The following FAM13A variants were observed in gnomAD, a reference collection of about 807,000 sequenced individuals.
FAM13A encodes family with sequence similarity 13 member A.
A neutral mutation model predicts 129.6 loss-of-function variants in FAM13A; 76 were observed. The observed-to-expected ratio is 0.59, with a 90% CI of 0.49 to 0.71. The LOEUF (loss-of-function observed/expected upper bound fraction) is 0.71, where lower values mean the gene tolerates loss of function less well. Ranked by LOEUF, FAM13A falls within the 30% of genes least tolerant of loss-of-function variation. The probability of loss-of-function intolerance (pLI) is 0.00; values close to 1 mark genes in which losing one functional copy is unlikely to be tolerated. For missense variants in FAM13A, 1,108 were observed against 1,249.3 expected (o/e 0.89, Z 1.70); for synonymous variants, 443 against 449.9 (o/e 0.98, Z 0.20).
Position 89,010,939 on chromosome 4 carries a change from C to T in FAM13A, c.427+9521G>A, listed in dbSNP as rs148864874. Among the ~76,000 whole-genome samples, 40 of 152,204 alleles carry T rather than the reference C, an allele frequency of 2.6e-4. No homozygotes were observed. In the East Asian group the frequency reaches 6.2e-3, roughly 24 times the overall value. Reference sequence around the variant, plus strand: ...TCTCGGTTCACTGCAACCTCCACCTCCTGGCTCAAGCGATTTTCCTGCCTC... The same window carrying T: ...TCTCGGTTCACTGCAACCTCCACCTTCTGGCTCAAGCGATTTTCCTGCCTC... On this transcript the variant is annotated intron_variant, in intron 3 of 23. Coordinates refer to ENST00000264344, the MANE Select transcript of FAM13A (RefSeq NM_014883.4).
intron 7 of FAM13A, chr4:88,823,364 T>C: frequency 9.8e-7 from 1 of 1,021,604 alleles, no homozygotes; most frequent in Non-Finnish European, 1.2e-6. Context: ...TCCTCAATGG[T>C]CCCTCCTCCT....
chr4:88,806,864 T>C (rs1227344464), intron 7 of FAM13A, among the ~76,000 whole-genome samples: 1 of 152,116 alleles, frequency 6.6e-6, no homozygotes, highest in African/African-American at 2.4e-5. Flanking sequence ...CTGACAGAAG[T>C]CGCTTACACA....
At chr4:88,775,302 C>A (rs983701963) in intron 11 of FAM13A, among the ~76,000 whole-genome samples, 2 of 152,058 alleles carry the variant, frequency 1.3e-5, no homozygotes, top group Non-Finnish European at 2.9e-5. Flanking sequence ...AGTCATAGCA[C>A]AAAAGACCAG....
intron 7 of FAM13A, among the ~76,000 whole-genome samples, chr4:88,848,639 T>C (rs889498540): frequency 2.0e-5 from 3 of 152,256 alleles, no homozygotes; most frequent in African/African-American, 7.2e-5. Context: ...GCCTGCTTGC[T>C]GGTCTACCAG....
At chr4:88,762,565 G>T (rs6832489) in intron 13 of FAM13A, among the ~76,000 whole-genome samples, 8,559 of 152,164 alleles carry the variant, frequency 0.056, 540 homozygotes, top group East Asian at 0.3. Context: ...GCCTAGGGCT[G>T]CAGACTGCTG....
At chr4:88,920,723 G>C (rs996739177) in intron 5 of FAM13A, among the ~76,000 whole-genome samples, 1 of 152,216 alleles carries the variant, frequency 6.6e-6, no homozygotes, top group Admixed American at 6.5e-5. Flanking sequence ...CGAGTTGAGA[G>C]AAGAAGGCTT....
chr4:88,925,678 A>C lies in FAM13A; in HGVS notation c.759+12410T>G, dbSNP rs1011864643. Among the ~76,000 whole-genome samples the C allele has an allele frequency of 3.0e-4, 45 of 151,952 alleles. 2 individuals carry two copies. The highest frequency in any genetic ancestry group is 2.6e-4 in the Non-Finnish European group (18 of 67,956). ...CTGCACATTGTGCACATGTACCCTA[A>C]AACTTAAAGTATAATAATAATAAAA... On this transcript the variant is annotated intron_variant, in intron 5 of 23. Coordinates refer to ENST00000264344, the MANE Select transcript of FAM13A (RefSeq NM_014883.4).
intron 7 of FAM13A, among the ~76,000 whole-genome samples, chr4:88,831,101 G>A (rs763106645): frequency 7.9e-5 from 12 of 151,952 alleles, no homozygotes; most frequent in Non-Finnish European, 1.5e-4. Context: ...CAACTTTCTG[G>A]GACAGGGAAA....
At chr4:88,925,457 A>C (rs1751943180) in intron 5 of FAM13A, among the ~76,000 whole-genome samples, 1 of 151,630 alleles carries the variant, frequency 6.6e-6, no homozygotes, top group African/African-American at 2.4e-5. Flanking sequence ...TCGCAAGGAC[A>C]AAAAACCAAA....
chr4:88,791,977 T>G (rs1725266849), intron 8 of FAM13A, among the ~76,000 whole-genome samples: 1 of 152,090 alleles, frequency 6.6e-6, no homozygotes, highest in Admixed American at 6.6e-5. Flanking sequence ...TAGCTAAAGC[T>G]GTAGCTCTTT....
intron 11 of FAM13A, among the ~76,000 whole-genome samples, chr4:88,778,146 C>T (rs1320198387): frequency 6.6e-6 from 1 of 152,162 alleles, no homozygotes; most frequent in Non-Finnish European, 1.5e-5. Flanking sequence ...ACATTTGTAT[C>T]TCTAAGGAGG....
chr4:89,034,348 G>A (rs898235193), intron 1 of FAM13A, among the ~76,000 whole-genome samples: 1 of 152,094 alleles, frequency 6.6e-6, no homozygotes, highest in Non-Finnish European at 1.5e-5. Flanking sequence ...CACCATTAGA[G>A]AAACACAAAT....
intron 6 of FAM13A, among the ~76,000 whole-genome samples, chr4:88,879,474 C>T (rs1743169296): frequency 6.6e-6 from 1 of 152,034 alleles, no homozygotes; most frequent in African/African-American, 2.4e-5. Flanking sequence ...TCTAAGCCTG[C>T]TTTCTTACCT....
intron 4 of FAM13A, among the ~76,000 whole-genome samples, chr4:88,952,941 C>G (rs1757174316): frequency 6.6e-6 from 1 of 151,996 alleles, no homozygotes; most frequent in Non-Finnish European, 1.5e-5. Context: ...GAGTGAGACT[C>G]TGTCTCAAAT....
At position 88,726,627 on chromosome 4, in the gene FAM13A, T is replaced by TAGAC. The variant is rs1264287779; in HGVS notation, c.*1902_*1905dup. On this transcript the variant is annotated 3_prime_UTR_variant, in exon 24 of 24. Coordinates refer to ENST00000264344, the MANE Select transcript of FAM13A (RefSeq NM_014883.4). ...TTAAGAGAGCTATTAAAGGACAGAC[T>TAGAC]AGACATGTATTTTTAAAAAAACACA... 2 of 142,844 alleles carry TAGAC rather than the reference T, an allele frequency of 1.4e-5. No homozygotes were observed. Among genetic ancestry groups the TAGAC allele is most frequent in the East Asian group, 2.2e-4 (1 of 4,514 alleles). 8.8% of individuals were successfully genotyped at this position (142,844 alleles called of 1,614,324 possible). A position where few individuals can be genotyped will look rare whatever the true frequency, so the allele number is the denominator to read the frequency against.
At chr4:88,826,575 C>T (rs1202431490) in intron 7 of FAM13A, among the ~76,000 whole-genome samples, 2 of 152,034 alleles carry the variant, frequency 1.3e-5, no homozygotes, top group Non-Finnish European at 2.9e-5. Context: ...ACTGCATTCC[C>T]GCTTCAAATC....
chr4:88,889,431 T>C (rs1744993205), intron 6 of FAM13A, among the ~76,000 whole-genome samples: 1 of 152,186 alleles, frequency 6.6e-6, no homozygotes, highest in Admixed American at 6.5e-5. Flanking sequence ...AATGACTGCT[T>C]GGTTCTTTGG....
At chr4:88,746,818 A>G (rs1741443029) in intron 19 of FAM13A, 114 bp downstream of exon 19, 2 of 717,782 alleles carry the variant, frequency 2.8e-6, no homozygotes, top group East Asian at 5.2e-5. Flanking sequence ...CCTTTATCCT[A>G]AAAGTAAAGC....
intron 13 of FAM13A, among the ~76,000 whole-genome samples, chr4:88,764,200 T>G (rs1305686440): frequency 6.6e-6 from 1 of 152,120 alleles, no homozygotes; most frequent in Admixed American, 6.5e-5. Context: ...CTAGTCTTTT[T>G]TTTTAAAATT....
Sources: gnomAD v4.1 joint callset for allele counts (sites outside exome capture counted in the v4.1 genomes callset) on GRCh38, gnomAD v4.1.1 for gene constraint, MANE v1.5 for transcripts, NCBI Gene and HGNC (gene_info 2026-07-23, HGNC 2026-07-21) for gene names.